The following AHCYL2 variants were observed in gnomAD, a reference collection of about 807,000 sequenced individuals.
The protein encoded by AHCYL2 is S-adenosylhomocysteine hydrolase-like protein 2.
AHCYL2 carries 28 observed loss-of-function variants against 81.4 expected under a neutral mutation model. That is an observed-to-expected ratio of 0.34 (90% confidence interval 0.25 to 0.47). AHCYL2 has a LOEUF of 0.47. AHCYL2 is among the 20% of genes least tolerant of loss of function. AHCYL2 has a pLI of 1.00. For missense variants in AHCYL2, 551 were observed against 785.1 expected (o/e 0.70, Z 3.56); for synonymous variants, 272 against 290.2 (o/e 0.94, Z 0.64).
intron 1 of AHCYL2, among the ~76,000 whole-genome samples, chr7:129,370,503 C>G (rs1398370603): frequency 6.6e-6 from 1 of 152,220 alleles, no homozygotes; most frequent in Admixed American, 6.5e-5. Flanking sequence ...TCAAGATCAT[C>G]CTGGCTAACA....
chr7:129,239,055 G>A (rs775976872), intron 1 of AHCYL2, among the ~76,000 whole-genome samples: 9 of 152,174 alleles, frequency 5.9e-5, no homozygotes, highest in Non-Finnish European at 1.2e-4. Context: ...GACTGGCTCA[G>A]ACTAACCAAA....
At chr7:129,324,756 C>G (rs985845696) in intron 1 of AHCYL2, among the ~76,000 whole-genome samples, 1 of 152,082 alleles carries the variant, frequency 6.6e-6, no homozygotes, top group Non-Finnish European at 1.5e-5. Flanking sequence ...ACCTCGTGAT[C>G]CACCTGCCTC....
intron 1 of AHCYL2, among the ~76,000 whole-genome samples, chr7:129,282,491 A>G (rs1271337597): frequency 2.6e-5 from 4 of 152,132 alleles, no homozygotes; most frequent in African/African-American, 7.2e-5. Flanking sequence ...CTGATCTGCC[A>G]TCAGTCTTAT....
intron 1 of AHCYL2, among the ~76,000 whole-genome samples, chr7:129,227,851 A>G (rs983454430): frequency 6.6e-6 from 1 of 152,186 alleles, no homozygotes; most frequent in African/African-American, 2.4e-5. Flanking sequence ...TTCTCTGCTG[A>G]AAGTTAAGCA....
At chr7:129,399,978 A>G (rs1314805333) in intron 5 of AHCYL2, among the ~76,000 whole-genome samples, 1 of 152,102 alleles carries the variant, frequency 6.6e-6, no homozygotes, top group Non-Finnish European at 1.5e-5. Flanking sequence ...CACCCACCTC[A>G]GCCTCCCAAG....
At chr7:129,279,872 A>G (rs1052364443) in intron 1 of AHCYL2, among the ~76,000 whole-genome samples, 1 of 152,158 alleles carries the variant, frequency 6.6e-6, no homozygotes, top group Admixed American at 6.5e-5. Context: ...TATCATTAGC[A>G]TATAACCAGC....
chr7:129,353,476 G>GGTA (rs1411326430), intron 1 of AHCYL2, among the ~76,000 whole-genome samples: 4 of 151,726 alleles, frequency 2.6e-5, no homozygotes, highest in Admixed American at 2.6e-4. Context: ...TTCTATCTAA[G>GGTA]GTAGTTTCTT....
At chr7:129,344,305 C>G (rs990938755) in intron 1 of AHCYL2, among the ~76,000 whole-genome samples, 2 of 152,104 alleles carry the variant, frequency 1.3e-5, no homozygotes, top group Non-Finnish European at 2.9e-5. Flanking sequence ...GTGTCCATGA[C>G]AGTTTGATTC....
At chr7:129,331,851 T>A (rs992208638) in intron 1 of AHCYL2, among the ~76,000 whole-genome samples, 13 of 150,906 alleles carry the variant, frequency 8.6e-5, no homozygotes, top group Non-Finnish European at 1.6e-4. Context: ...CAAAAAAAAA[T>A]TTTAATTTAA....
At chr7:129,297,290 T>C (rs1188276258) in intron 1 of AHCYL2, among the ~76,000 whole-genome samples, 1 of 152,246 alleles carries the variant, frequency 6.6e-6, no homozygotes, top group East Asian at 1.9e-4. Context: ...CTTTGCACTC[T>C]AGTATGCTTT....
chr7:129,384,631 T>C (rs1795120958), intron 2 of AHCYL2, among the ~76,000 whole-genome samples: 1 of 152,214 alleles, frequency 6.6e-6, no homozygotes. Flanking sequence ...GAGGCTTACA[T>C]AGGCTCTAGC....
intron 12 of AHCYL2, among the ~76,000 whole-genome samples, chr7:129,416,493 T>A (rs575205060): frequency 6.6e-6 from 1 of 152,212 alleles, no homozygotes; most frequent in East Asian, 1.9e-4. Context: ...GATCAGGCTG[T>A]GACCCTTATT....
chr7:129,310,704 C>G (rs1302077500), intron 1 of AHCYL2, among the ~76,000 whole-genome samples: 1 of 152,064 alleles, frequency 6.6e-6, no homozygotes, highest in Non-Finnish European at 1.5e-5. Context: ...GGAAGCAAAA[C>G]AAGCTGGGGT....
intron 1 of AHCYL2, among the ~76,000 whole-genome samples, chr7:129,305,138 A>G (rs1313901424): frequency 6.6e-6 from 1 of 152,192 alleles, no homozygotes; most frequent in Non-Finnish European, 1.5e-5. Context: ...CACCGATTGT[A>G]TAAACAGACA....
At position 129,407,664 on chromosome 7, in the gene AHCYL2, G is replaced by A. The variant is rs117308653; in HGVS notation, c.1295+1198G>A. On this transcript the variant is annotated intron_variant, in intron 10 of 16. Coordinates refer to ENST00000325006, the MANE Select transcript of AHCYL2 (RefSeq NM_015328.4). ...CCTGTTCAGATTATCCTGTAGACAC[G>A]AATTGATCACTTACTATGCATTAGA... Among the ~76,000 whole-genome samples the A allele has an allele frequency of 9.3e-3, 1,419 of 152,236 alleles. 15 individuals are homozygous for A. The highest frequency in any genetic ancestry group is 0.012 in the Non-Finnish European group (840 of 68,024).
intron 1 of AHCYL2, among the ~76,000 whole-genome samples, chr7:129,300,071 G>A (rs975032516): frequency 1.3e-5 from 2 of 152,054 alleles, no homozygotes; most frequent in Non-Finnish European, 2.9e-5. Context: ...ATTTGATACA[G>A]GCATATGTTG....
intron 1 of AHCYL2, among the ~76,000 whole-genome samples, chr7:129,251,244 A>G (rs1795237915): frequency 6.6e-6 from 1 of 151,678 alleles, no homozygotes; most frequent in African/African-American, 2.4e-5. Flanking sequence ...TATCCCTTAA[A>G]TTGTAAACTC....
intron 1 of AHCYL2, among the ~76,000 whole-genome samples, chr7:129,281,489 ATTTTTTTT>A (rs34422629): frequency 4.9e-4 from 36 of 74,144 alleles, no homozygotes; most frequent in Non-Finnish European, 8.6e-4. Context: ...CTGTTTCTAG[ATTTTTTTT>A]TTTTTTTTTT....
chr7:129,321,739 C>CTTTTTT (rs1798022172), intron 1 of AHCYL2, among the ~76,000 whole-genome samples: 1 of 38,736 alleles, frequency 2.6e-5, no homozygotes. Flanking sequence ...TGTATTCTTT[C>CTTTTTT]TTTGTTTTTT....
Sources: gnomAD v4.1 joint callset for allele counts (sites outside exome capture counted in the v4.1 genomes callset) on GRCh38, gnomAD v4.1.1 for gene constraint, MANE v1.5 for transcripts, NCBI Gene and HGNC (gene_info 2026-07-23, HGNC 2026-07-21) for gene names.